Variants in RASA1 observed in about 807,000 individuals in gnomAD.
RASA1 encodes the protein RAS p21 protein activator 1, also known as ras GTPase-activating protein 1.
A neutral mutation model predicts 132.2 loss-of-function variants in RASA1; 25 were observed. The ratio of observed to expected loss-of-function variants is 0.19; its 90% CI spans 0.14 to 0.26. RASA1 has a LOEUF of 0.26. Ranked by LOEUF, RASA1 falls within the 10% of genes least tolerant of loss-of-function variation. The pLI is 1.00. For synonymous variants in RASA1, 477 were observed against 449.9 expected (o/e 1.06, Z -0.76); for missense variants, 964 against 1,299.2 (o/e 0.74, Z 3.97).
At chr5:87,285,000 A>C (rs553522271) in intron 1 of RASA1, among the ~76,000 whole-genome samples, 1 of 152,036 alleles carries the variant, frequency 6.6e-6, no homozygotes, top group African/African-American at 2.4e-5. Context: ...CAGAAATCAT[A>C]CAACTTTTAA....
rs114519509 is a variant in RASA1, at chr5:87,304,757, C to T, written c.540-26591C>T. 7.6e-3 allele frequency among the ~76,000 whole-genome samples: 1,155 copies of T among 152,232 alleles called. 18 individuals are homozygous for T. Among genetic ancestry groups the T allele is most frequent in the African/African-American group, 0.027 (1,116 of 41,538 alleles). On this transcript the variant is annotated intron_variant, in intron 1 of 24. Transcript: ENST00000274376. ...TGCTGGGATTGTAGGCATTAGCCAT[C>T]GTGCCGGCCTATTGTACACATTTTA...
rs1415829265 is a variant in RASA1 at position 87,368,666 on chromosome 5, CT to C, written c.1611-1141del. ...CTCAATGGAAAGCCTGAAATTCATT[CT>C]TTTTTCTCCTAGCACTATCAAACTA... is the stretch of plus-strand genomic sequence containing the variant. On this transcript the variant is annotated intron_variant, in intron 11 of 24. Coordinates refer to ENST00000274376, the MANE Select transcript of RASA1 (RefSeq NM_002890.3). 3.3e-5 allele frequency among the ~76,000 whole-genome samples: 5 copies of C among 152,246 alleles called. No individual in the cohort carries two copies. The East Asian group carries it at 7.7e-4, about 23-fold the overall frequency.
chr5:87,304,507 G>C (rs1348186450), intron 1 of RASA1, among the ~76,000 whole-genome samples: 1 of 142,110 alleles, frequency 7.0e-6, no homozygotes, highest in East Asian at 2.1e-4. Flanking sequence ...TCACTCTGTT[G>C]CCCAGGCCGG....
intron 1 of RASA1, among the ~76,000 whole-genome samples, chr5:87,305,433 G>A (rs1755564682): frequency 6.6e-6 from 1 of 152,172 alleles, no homozygotes. Flanking sequence ...TAACTGGCTA[G>A]CCATATGCAG....
chr5:87,380,846 T>A (rs1328998322), intron 20 of RASA1, among the ~76,000 whole-genome samples: 1 of 152,158 alleles, frequency 6.6e-6, no homozygotes, highest in Non-Finnish European at 1.5e-5. Context: ...CCTTACAAGA[T>A]GAGGCTAAAA....
intron 13 of RASA1, among the ~76,000 whole-genome samples, chr5:87,373,265 A>G (rs903222160): frequency 6.6e-6 from 1 of 152,162 alleles, no homozygotes; most frequent in African/African-American, 2.4e-5. Context: ...ATACAATAAA[A>G]AGATACAGTA....
intron 1 of RASA1, among the ~76,000 whole-genome samples, chr5:87,278,514 C>G (rs766280621): frequency 1.7e-4 from 26 of 151,962 alleles, no homozygotes; most frequent in Non-Finnish European, 3.2e-4. Context: ...CCACTGCACT[C>G]CAGCCTGGGC....
intron 1 of RASA1, among the ~76,000 whole-genome samples, chr5:87,276,617 A>G (rs921714168): frequency 6.6e-6 from 1 of 152,194 alleles, no homozygotes; most frequent in African/African-American, 2.4e-5. Flanking sequence ...TACGTTGTGC[A>G]GGTAAATTTT....
chr5:87,328,472 T>C (rs1233671949), intron 1 of RASA1, among the ~76,000 whole-genome samples: 1 of 152,228 alleles, frequency 6.6e-6, no homozygotes, highest in Non-Finnish European at 1.5e-5. Flanking sequence ...GCTGTGACTA[T>C]TTGTAGAGGC....
In RASA1 at chr5:87,358,509, C is replaced by G. The variant is rs368108333; in HGVS notation, c.1333-4042C>G. Among the ~76,000 whole-genome samples the G allele has an allele frequency of 7.2e-5, 11 of 152,262 alleles. No homozygotes were observed. The South Asian group carries it at 1.0e-3, about 14-fold the overall frequency. On this transcript the variant is annotated intron_variant, in intron 9 of 24. Transcript: ENST00000274376. ...AGGAAGATCATACTGACTCTGTCTT[C>G]AAAGTATGTCTAGAATATGACCACC... is the stretch of plus-strand genomic sequence containing the variant.
intron 4 of RASA1, among the ~76,000 whole-genome samples, chr5:87,336,160 T>G (rs1757958977): frequency 6.6e-6 from 1 of 152,156 alleles, no homozygotes; most frequent in Non-Finnish European, 1.5e-5. Flanking sequence ...CATTAAGAGA[T>G]TTGCAAAATT....
intron 8 of RASA1, among the ~76,000 whole-genome samples, chr5:87,352,712 T>C (rs1759364367): frequency 6.6e-6 from 1 of 151,832 alleles, no homozygotes; most frequent in Non-Finnish European, 1.5e-5. Context: ...GTTTCTGATA[T>C]AAAACCAGTA....
In RASA1 at chr5:87,372,105, T is replaced by C. The variant is rs755526925; in HGVS notation, c.1699-13T>C. 6.2e-7 allele frequency: 1 copy of C among 1,611,980 alleles called. No individual in the cohort carries two copies. Among genetic ancestry groups the C allele is most frequent in the South Asian group, 1.1e-5 (1 of 90,574 alleles). ...TAGTGTATATTTCTTTGAAGTGCTG[T>C]TTTTCTTTGCAGGATTGGATGAAAG... On this transcript the variant is annotated splice_polypyrimidine_tract_variant and intron_variant, in intron 12 of 24. Coordinates refer to ENST00000274376, the MANE Select transcript of RASA1 (RefSeq NM_002890.3).
chr5:87,310,149 G>T (rs1289979128), intron 1 of RASA1, among the ~76,000 whole-genome samples: 1 of 152,046 alleles, frequency 6.6e-6, no homozygotes, highest in Non-Finnish European at 1.5e-5. Flanking sequence ...CTTTGAGGTT[G>T]ATTTCTTTGT....
chr5:87,354,660 C>T (rs1290290280), intron 9 of RASA1, among the ~76,000 whole-genome samples: 2 of 152,100 alleles, frequency 1.3e-5, no homozygotes, highest in East Asian at 3.9e-4. Flanking sequence ...GGAAAAGTCA[C>T]ATGTCTCTCA....
intron 22 of RASA1, among the ~76,000 whole-genome samples, chr5:87,385,742 T>A (rs1762018872): frequency 6.6e-6 from 1 of 152,036 alleles, no homozygotes; most frequent in South Asian, 2.1e-4. Flanking sequence ...TTTATTTTTT[T>A]AAACACCTAC....
rs1192123145 is a variant in RASA1 at position 87,331,008 on chromosome 5, GTCTA to G, written c.540-336_540-333del. ...GGTAGTAAATTAATCATTTCCATTT[GTCTA>G]TCTTTTATTTTTCTAAGTAAAGATC... On this transcript the variant is annotated intron_variant, in intron 1 of 24. Transcript: ENST00000274376. The G allele has an allele frequency of 5.8e-6, 8 of 1,386,792 alleles. No homozygotes were observed. The East Asian group carries it at 1.0e-4, about 17-fold the overall frequency. 85.9% of individuals were successfully genotyped at this position (1,386,792 alleles called of 1,614,324 possible).
At chr5:87,366,668 G>A (rs974907198) in intron 11 of RASA1, among the ~76,000 whole-genome samples, 4 of 152,168 alleles carry the variant, frequency 2.6e-5, no homozygotes, top group Non-Finnish European at 5.9e-5. Flanking sequence ...AATGATACCA[G>A]GTCTGAAACC....
At chr5:87,389,650 C>G (rs1762336943) in intron 24 of RASA1, 123 bp downstream of exon 24, 1 of 1,291,656 alleles carries the variant, frequency 7.7e-7, no homozygotes, top group Non-Finnish European at 1.1e-6. Context: ...GACTCTGCAT[C>G]ATATTACAAA....
Sources: gnomAD v4.1 joint callset for allele counts (sites outside exome capture counted in the v4.1 genomes callset) on GRCh38, gnomAD v4.1.1 for gene constraint, MANE v1.5 for transcripts, NCBI Gene and HGNC (gene_info 2026-07-23, HGNC 2026-07-21) for gene names.